PICALM: variants seen among roughly 807,000 people sequenced by gnomAD.
The protein encoded by PICALM is phosphatidylinositol-binding clathrin assembly protein.
PICALM carries 40 observed loss-of-function variants against 80.5 expected under a neutral mutation model. That is an observed-to-expected ratio of 0.50 (90% CI 0.39 to 0.65). The LOEUF (loss-of-function observed/expected upper bound fraction) is 0.65. PICALM is among the 30% of genes least tolerant of loss of function. The probability of loss-of-function intolerance (pLI) is 0.00; values close to 1 mark genes in which losing one functional copy is unlikely to be tolerated. For synonymous variants in PICALM, 288 were observed against 260.3 expected (o/e 1.11, Z -1.02); for missense variants, 676 against 778.9 (o/e 0.87, Z 1.57).
chr11:86,001,271 T>TA, intron 9 of PICALM, 113 bp from the exon 10 acceptor site: 1 of 947,926 alleles, frequency 1.1e-6, no homozygotes, highest in South Asian at 1.6e-5. Context: ...ATTATAAACT[T>TA]AACTTCTGGA....
chr11:86,052,128 A>C (rs2137373132), intron 1 of PICALM, among the ~76,000 whole-genome samples: 1 of 152,312 alleles, frequency 6.6e-6, no homozygotes, highest in East Asian at 1.9e-4. Flanking sequence ...GACCAGGTGG[A>C]GATAACTGAA....
chr11:86,063,559 TAACTA>T (rs1260780989), intron 1 of PICALM, among the ~76,000 whole-genome samples: 1 of 152,176 alleles, frequency 6.6e-6, no homozygotes, highest in African/African-American at 2.4e-5. Flanking sequence ...TTCAGAAACT[TAACTA>T]GACATATCTG....
intron 19 of PICALM, among the ~76,000 whole-genome samples, chr11:85,964,314 A>G (rs17148629): frequency 1.3e-5 from 2 of 152,190 alleles, no homozygotes; most frequent in Middle Eastern, 3.2e-3. Flanking sequence ...GTAGAAACTT[A>G]ACAATGCTGT....
At chr11:86,066,558 T>C (rs1380072284) in intron 1 of PICALM, among the ~76,000 whole-genome samples, 3 of 152,042 alleles carry the variant, frequency 2.0e-5, no homozygotes, top group Admixed American at 1.3e-4. Flanking sequence ...AACATGCAAA[T>C]AGCACTCTTC....
At chr11:85,964,211 T>C (rs977682316) in intron 19 of PICALM, among the ~76,000 whole-genome samples, 1 of 152,134 alleles carries the variant, frequency 6.6e-6, no homozygotes, top group Non-Finnish European at 1.5e-5. Context: ...AGGAAAAAAC[T>C]TGTGACATAT....
At chr11:85,974,867 TAA>T (rs1202784636) in intron 18 of PICALM, 55 bp from the exon 19 acceptor site, 1 of 1,185,096 alleles carries the variant, frequency 8.4e-7, no homozygotes, top group Admixed American at 1.7e-5. Context: ...TTATTGTGAC[TAA>T]GTAAATAACA....
chr11:85,968,947 A>AACACACACAC (rs57641869), intron 19 of PICALM, among the ~76,000 whole-genome samples: 12 of 144,018 alleles, frequency 8.3e-5, no homozygotes, highest in Admixed American at 4.2e-4. Context: ...AAAATGACTC[A>AACACACACAC]ACACACACAC....
chr11:86,034,258 C>A (rs1795237408), intron 1 of PICALM, among the ~76,000 whole-genome samples: 1 of 152,060 alleles, frequency 6.6e-6, no homozygotes, highest in Non-Finnish European at 1.5e-5. Flanking sequence ...GCAGTCTATA[C>A]CTCCCATAGT....
chr11:86,056,476 G>C (rs2096271856), intron 1 of PICALM, among the ~76,000 whole-genome samples: 1 of 151,546 alleles, frequency 6.6e-6, no homozygotes, highest in African/African-American at 2.4e-5. Context: ...ACACCCACTA[G>C]GATGACTATT....
chr11:86,008,535 G>A (rs191332987), intron 7 of PICALM, among the ~76,000 whole-genome samples: 1,540 of 151,976 alleles, frequency 0.01, 29 homozygotes, highest in African/African-American at 0.035. Flanking sequence ...CAGGAGAATC[G>A]TTTGAACCCG....
chr11:85,963,552 C>A (rs2093764039), intron 19 of PICALM, among the ~76,000 whole-genome samples: 1 of 152,196 alleles, frequency 6.6e-6, no homozygotes, highest in South Asian at 2.1e-4. Flanking sequence ...CAGACATAGT[C>A]TTTTCTCATG....
At chr11:85,988,478 C>T (rs1027419576) in intron 13 of PICALM, among the ~76,000 whole-genome samples, 5 of 152,032 alleles carry the variant, frequency 3.3e-5, no homozygotes, top group African/African-American at 1.2e-4. Flanking sequence ...TTATCTAGCT[C>T]CAAATGAGCT....
At chr11:85,964,140 A>G (rs2093793732) in intron 19 of PICALM, among the ~76,000 whole-genome samples, 1 of 152,080 alleles carries the variant, frequency 6.6e-6, no homozygotes, top group Non-Finnish European at 1.5e-5. Flanking sequence ...AACATCAACA[A>G]TCTCAGAAAG....
intron 12 of PICALM, among the ~76,000 whole-genome samples, chr11:85,993,585 C>T (rs1387784369): frequency 9.3e-6 from 1 of 107,148 alleles, no homozygotes; most frequent in Non-Finnish European, 2.4e-5. Context: ...ATTACAGGTG[C>T]ACACCACCAC....
intron 1 of PICALM, among the ~76,000 whole-genome samples, chr11:86,053,549 G>A (rs113002046): frequency 6.6e-6 from 1 of 152,136 alleles, no homozygotes; most frequent in African/African-American, 2.4e-5. Context: ...ATGCTAATGA[G>A]CATATTAATT....
rs376520522 is a variant in PICALM, at chr11:86,026,387, T to C, written c.274-20A>G. On this transcript the variant is annotated intron_variant, in intron 2 of 19. Coordinates refer to ENST00000393346, the MANE Select transcript of PICALM (RefSeq NM_007166.4). ...AAAACGCTGGAAAAAAAAAATTACA[T>C]CATATTAAGGTACTGCCATCTCACC... 6.7e-6 allele frequency: 10 copies of C among 1,495,442 alleles called. No individual in the cohort carries two copies. Among genetic ancestry groups the C allele is most frequent in the African/African-American group, 2.8e-5 (2 of 72,556 alleles). 92.6% of individuals were successfully genotyped at this position (1,495,442 alleles called of 1,614,324 possible).
intron 1 of PICALM, among the ~76,000 whole-genome samples, chr11:86,040,225 CA>C (rs1343740923): frequency 6.6e-6 from 1 of 151,356 alleles, no homozygotes; most frequent in Non-Finnish European, 1.5e-5. Context: ...TGTGGATGAC[CA>C]AAAAAACACA....
intron 7 of PICALM, among the ~76,000 whole-genome samples, chr11:86,008,251 G>A (rs2095318856): frequency 6.6e-6 from 1 of 152,124 alleles, no homozygotes; most frequent in Admixed American, 6.5e-5. Flanking sequence ...CTGTCCCGTG[G>A]CTGTGTTTCA....
Position 86,068,990 on chromosome 11 carries a change from G to A in PICALM, c.-210C>T, listed in dbSNP as rs2096486194. The A allele has an allele frequency of 6.8e-6, 4 of 592,176 alleles. No individual in the cohort carries two copies. The highest frequency in any genetic ancestry group is 1.2e-5 in the Non-Finnish European group (4 of 344,276). The allele number at this position is 592,176 out of a possible 1,614,324, so 36.7% of individuals were successfully genotyped here. Reference sequence around the variant, plus strand: ...CCCGCGGAGTCGGACAAGATGTCGGGCACTCCCTTGCCCCCGCCTCAGTTC... The same window carrying A: ...CCCGCGGAGTCGGACAAGATGTCGGACACTCCCTTGCCCCCGCCTCAGTTC... On this transcript the variant is annotated 5_prime_UTR_variant, in exon 1 of 20. Transcript: ENST00000393346.
Sources: allele counts gnomAD v4.1 joint callset (sites outside exome capture counted in the v4.1 genomes callset), GRCh38; gene constraint gnomAD v4.1.1; transcripts MANE v1.5; gene names NCBI Gene and HGNC (gene_info 2026-07-23, HGNC 2026-07-21).